Variants in CDH5 observed in about 807,000 individuals in gnomAD.
The protein encoded by CDH5 is cadherin 5.
In CDH5, 28 loss-of-function variants were observed where a neutral mutation model predicts 62.0. The observed-to-expected ratio is 0.45, with a 90% CI of 0.33 to 0.62. CDH5 has a LOEUF of 0.62. CDH5 is among the 20% of genes least tolerant of loss of function. The pLI is 0.02. For missense variants in CDH5, 940 were observed against 1,065.1 expected, an observed-to-expected ratio of 0.88 and a Z score of 1.63; for synonymous variants, 464 against 445.8, an observed-to-expected ratio of 1.04 and a Z score of -0.52.
intron 7 of CDH5, chr16:66,395,325 T>C (rs1222215873): frequency 3.3e-5 from 5 of 151,592 alleles, no homozygotes; most frequent in Non-Finnish European, 7.4e-5. Flanking sequence ...TCTTTCCTCA[T>C]AAGGAAATTA....
intron 7 of CDH5, 130 bp from the exon 8 acceptor site, chr16:66,395,929 A>G: frequency 2.3e-6 from 2 of 852,240 alleles, no homozygotes; most frequent in South Asian, 3.5e-5. Context: ...GGCAGAGTGC[A>G]ATGAGCAGTG....
rs772939635 is a variant in CDH5 at position 66,402,956 on chromosome 16, C to T, written c.2142C>T (p.Asp714=). The change falls in exon 12 of 12, where the codon GAC becomes GAT. Residue 714 remains aspartate, a synonymous_variant. Transcript: ENST00000341529. ...EMAAMIEVKK[D]EADHDGDGPP... ...CAGCCATGATCGAGGTGAAGAAGGA[C>T]GAGGCGGACCACGACGGCGACGGCC... is the stretch of plus-strand genomic sequence containing the variant. 1.7e-5 allele frequency: 27 copies of T among 1,612,674 alleles called. No homozygotes were observed. The highest frequency in any genetic ancestry group is 1.9e-5 in the Non-Finnish European group (22 of 1,179,938).
chr16:66,403,181 C>A lies in CDH5; in HGVS notation c.*12C>A. On this transcript the variant is annotated 3_prime_UTR_variant, in exon 12 of 12. Transcript: ENST00000341529. The surrounding 1 kb of genome is among the most constrained non-coding windows in gnomAD (Gnocchi z 4.3). ...AGCTGCTGTATTAGGCGGCCGAGGT[C>A]ACTCTGGGCCTGGGGACCCAAACCC... The A allele has an allele frequency of 6.3e-7, 1 of 1,598,090 alleles. No homozygotes were observed. Among genetic ancestry groups the A allele is most frequent in the Non-Finnish European group, 8.5e-7 (1 of 1,173,412 alleles).
intron 10 of CDH5, 36 bp from the exon 11 acceptor site, chr16:66,400,735 T>C: frequency 6.2e-7 from 1 of 1,613,848 alleles, no homozygotes; most frequent in Non-Finnish European, 8.5e-7. Flanking sequence ...TCTGTGCAGA[T>C]GGCAAAGCCT....
At chr16:66,379,591 C>A in intron 2 of CDH5, 44 bp downstream of exon 2, 2 of 1,556,700 alleles carry the variant, frequency 1.3e-6, no homozygotes, top group Non-Finnish European at 1.8e-6. Flanking sequence ...CAGCAGCTGG[C>A]CCATAGTGAC....
At chr16:66,400,697 G>C in intron 10 of CDH5, 74 bp from the exon 11 acceptor site, 1 of 1,593,860 alleles carries the variant, frequency 6.3e-7, no homozygotes, top group Non-Finnish European at 8.6e-7. Context: ...AGTCAGGGAG[G>C]GCTTCCTGGA....
chr16:66,388,452 T>G lies in CDH5; in HGVS notation c.616+12T>G. The G allele has an allele frequency of 6.6e-7, 1 of 1,513,990 alleles. No individual in the cohort carries two copies. Among genetic ancestry groups the G allele is most frequent in the Non-Finnish European group, 9.2e-7 (1 of 1,088,910 alleles). The allele number at this position is 1,513,990 out of a possible 1,614,324, so 93.8% of individuals were successfully genotyped here. ...CATCGATAATTCTGGTCTGTGTGAC[T>G]AACACTCCTGGACAGTCACTGATTT... On this transcript the variant is annotated intron_variant, in intron 4 of 11. Coordinates refer to ENST00000341529, the MANE Select transcript of CDH5 (RefSeq NM_001795.5).
chr16:66,375,647 G>A (rs952965363), intron 1 of CDH5, among the ~76,000 whole-genome samples: 2 of 152,138 alleles, frequency 1.3e-5, no homozygotes, highest in Non-Finnish European at 2.9e-5. Context: ...GTGAGTCAGG[G>A]AGTGAGTGGT....
At chr16:66,388,226 G>A (rs1596938454) in intron 3 of CDH5, 98 bp from the exon 4 acceptor site, 1 of 758,062 alleles carries the variant, frequency 1.3e-6, no homozygotes, top group South Asian at 1.6e-5. Context: ...GGGGAGGTGG[G>A]GACAGAGCAC....
At chr16:66,398,317 T>A (rs1961223063) in intron 9 of CDH5, 139 bp from the exon 10 acceptor site, 4 of 773,754 alleles carry the variant, frequency 5.2e-6, no homozygotes, top group Non-Finnish European at 8.7e-6. Flanking sequence ...AATGGCTTTA[T>A]GAAGAACTAA....
chr16:66,402,816 C>A lies in CDH5; in HGVS notation c.2002C>A (p.Arg668Ser), dbSNP rs749363918. 6.3e-7 allele frequency: 1 copy of A among 1,598,874 alleles called. No homozygotes were observed. Among genetic ancestry groups the A allele is most frequent in the South Asian group, 1.1e-5 (1 of 89,192 alleles). ...YDVSVLNSVRRGGAKPPRPAL... is the reference protein window; with the variant it reads ...YDVSVLNSVRSGGAKPPRPAL... Reference sequence around the variant, plus strand: ...TGTGTCGGTGCTCAACTCGGTGCGCCGCGGCGGGGCCAAGCCCCCGCGGCC... The same window carrying A: ...TGTGTCGGTGCTCAACTCGGTGCGCAGCGGCGGGGCCAAGCCCCCGCGGCC... Residue 668 changes from arginine (R) to serine (S), a missense_variant, in exon 12 of 12, where the codon CGC becomes AGC. By Grantham distance (110) the Arg-to-Ser change is moderately radical. Transcript: ENST00000341529.
intron 7 of CDH5, among the ~76,000 whole-genome samples, chr16:66,394,002 A>G (rs1174161676): frequency 6.6e-6 from 1 of 152,070 alleles, no homozygotes; most frequent in Non-Finnish European, 1.5e-5. Context: ...TATTTAAGAG[A>G]TTGACTTGAT....
rs537601826 is a variant in CDH5, at chr16:66,379,538, T to G, written c.201T>G (p.His67Gln). ...AGAAAAACACCTCACTTCCCCATCATGTAGGCAAGGTAAGGCTCAAGCCCC... is the reference window on the plus strand; with the variant it reads ...AGAAAAACACCTCACTTCCCCATCAGGTAGGCAAGGTAAGGCTCAAGCCCC... ...DEEKNTSLPH[H>Q]VGKIKSSVSR... Residue 67 changes from histidine to glutamine, a missense_variant, in exon 2 of 12, where the codon CAT becomes CAG. Physicochemically the swap from His to Gln is conservative, Grantham distance 24 (BLOSUM62 0). Coordinates refer to ENST00000341529, the MANE Select transcript of CDH5 (RefSeq NM_001795.5). The G allele has an allele frequency of 1.2e-6, 2 of 1,614,126 alleles. No homozygotes were observed. The highest frequency in any genetic ancestry group is 1.7e-5 in the Admixed American group (1 of 60,030).
At chr16:66,391,878 A>G (rs772991904) in intron 6 of CDH5, among the ~76,000 whole-genome samples, 9 of 152,342 alleles carry the variant, frequency 5.9e-5, no homozygotes, top group Non-Finnish European at 1.2e-4. Context: ...CAAACGCTGG[A>G]AATAGGGCCA....
At chr16:66,375,981 C>T (rs942350457) in intron 1 of CDH5, among the ~76,000 whole-genome samples, 17 of 152,090 alleles carry the variant, frequency 1.1e-4, no homozygotes, top group African/African-American at 3.9e-4. Flanking sequence ...CGTGGTGTCA[C>T]GCGCCTGTAA....
In CDH5 at chr16:66,396,129, G is replaced by A; in HGVS notation, c.1288G>A (p.Glu430Lys). Residue 430 changes from glutamate to lysine, a missense_variant, in exon 8 of 12, where the codon GAG (glutamate) becomes AAG (lysine). Transcript: ENST00000341529. ...RVTKKGDIYN[E>K]KELDREVYPW... ...CACAAAAAAGGGGGACATTTACAAT[G>A]AGAAAGAACTGGACAGAGAAGTCTA... 3 of 1,614,172 alleles carry A rather than the reference G, an allele frequency of 1.9e-6. No homozygotes were observed. Among genetic ancestry groups the A allele is most frequent in the Non-Finnish European group, 1.7e-6 (2 of 1,180,006 alleles).
intron 8 of CDH5, among the ~76,000 whole-genome samples, chr16:66,397,722 T>C (rs1385485407): frequency 6.6e-6 from 1 of 152,138 alleles, no homozygotes; most frequent in Non-Finnish European, 1.5e-5. Flanking sequence ...GGAATTTAAT[T>C]ACAATTTTTT....
At chr16:66,382,438 A>T (rs1465399128) in intron 2 of CDH5, among the ~76,000 whole-genome samples, 2 of 152,068 alleles carry the variant, frequency 1.3e-5, no homozygotes, top group African/African-American at 4.8e-5. Flanking sequence ...AGCATTCCTG[A>T]CTCTCAACAC....
Position 66,403,402 on chromosome 16 carries a change from T to C in CDH5, c.*233T>C. On this transcript the variant is annotated 3_prime_UTR_variant, in exon 12 of 12. Transcript: ENST00000341529. This position sits in a 1 kb window ranked among gnomAD's most constrained non-coding sequence, Gnocchi z 4.3. Reference sequence around the variant, plus strand: ...AATGCTGGCAAATCCAGGCTGGTGTTCTGTCTGGGCTCAGACATCCACATA... The same window carrying C: ...AATGCTGGCAAATCCAGGCTGGTGTCCTGTCTGGGCTCAGACATCCACATA... 1 of 561,682 alleles carries C rather than the reference T, an allele frequency of 1.8e-6. No homozygotes were observed. Among genetic ancestry groups the C allele is most frequent in the Non-Finnish European group, 3.2e-6 (1 of 313,556 alleles). 34.8% of individuals were successfully genotyped at this position (561,682 alleles called of 1,614,324 possible).
Sources: gnomAD v4.1 joint callset for allele counts (sites outside exome capture counted in the v4.1 genomes callset) on GRCh38, gnomAD v4.1.1 for gene constraint, Gnocchi (gnomAD v3.1) non-coding constraint, MANE v1.5 for transcripts, NCBI Gene and HGNC (gene_info 2026-07-23, HGNC 2026-07-21) for gene names.